Variants in PATJ observed in about 807,000 individuals in gnomAD.
The protein encoded by PATJ is inaD-like protein.
Under a neutral mutation model 224.9 loss-of-function variants are expected in PATJ, and 190 were observed. That is an observed-to-expected ratio of 0.84 (90% CI 0.75 to 0.95). The LOEUF is 0.95. Ranked by LOEUF, PATJ falls within the 40% of genes least tolerant of loss-of-function variation. The probability of loss-of-function intolerance (pLI) is 0.00; values close to 1 mark genes in which losing one functional copy is unlikely to be tolerated. For synonymous variants in PATJ, 769 were observed against 820.3 expected (o/e 0.94, Z 1.07); for missense variants, 2,121 against 2,270.3 (o/e 0.93, Z 1.34).
chr1:61,845,860 G>C (rs571408007), intron 17 of PATJ, among the ~76,000 whole-genome samples: 2 of 152,292 alleles, frequency 1.3e-5, no homozygotes, highest in East Asian at 3.9e-4. Context: ...ATGCCATGCT[G>C]TTCTGAGCCT....
chr1:61,918,863 T>C (rs1169511397), intron 26 of PATJ, among the ~76,000 whole-genome samples: 1 of 151,946 alleles, frequency 6.6e-6, no homozygotes, highest in Non-Finnish European at 1.5e-5. Context: ...CTTGGGAGGC[T>C]GAGCTGGGAG....
chr1:61,996,676 T>C lies in PATJ; in HGVS notation c.3867+6312T>C, dbSNP rs374777624. Among the ~76,000 whole-genome samples, 13 of 152,014 alleles carry C rather than the reference T, an allele frequency of 8.6e-5. No individual in the cohort carries two copies. The South Asian group carries it at 2.3e-3, about 27-fold the overall frequency. ...AGGAAGAAGAACAAAGAATTAAAAA[T>C]TGCAAGAAAATGACTTTTCCTGTAG... On this transcript the variant is annotated intron_variant, in intron 28 of 43. Coordinates refer to ENST00000642238, the MANE Select transcript of PATJ (RefSeq NM_001350145.3).
intron 39 of PATJ, among the ~76,000 whole-genome samples, chr1:62,126,334 C>G (rs185681864): frequency 1.6e-4 from 25 of 152,316 alleles, no homozygotes; most frequent in African/African-American, 5.3e-4. Context: ...CTGGGAACTT[C>G]CCCTGCTGCT....
intron 41 of PATJ, among the ~76,000 whole-genome samples, chr1:62,133,989 G>T (rs185113462): frequency 6.6e-6 from 1 of 151,814 alleles, no homozygotes; most frequent in Non-Finnish European, 1.5e-5. Flanking sequence ...CAGGTGATCC[G>T]CCTGCCTTGG....
chr1:62,051,934 TGA>T (rs991376825), intron 31 of PATJ, among the ~76,000 whole-genome samples: 2 of 152,198 alleles, frequency 1.3e-5, no homozygotes, highest in Non-Finnish European at 2.9e-5. Flanking sequence ...GTGAGGAAAC[TGA>T]GAGTTAGAGA....
chr1:61,880,775 C>A (rs1667979269), intron 21 of PATJ, among the ~76,000 whole-genome samples: 1 of 152,190 alleles, frequency 6.6e-6, no homozygotes, highest in African/African-American at 2.4e-5. Context: ...TCCAAGAACA[C>A]AGTGTTCAAA....
rs778107228 is a variant in PATJ at position 62,161,778 on chromosome 1, G to C, written c.*724G>C. On this transcript the variant is annotated 3_prime_UTR_variant, in exon 44 of 44. Transcript: ENST00000642238. ...AACCTCAGATCTCATCCAATGGACA[G>C]AAACAAATGTTAAGCAACTTGTCAT... 3.3e-5 allele frequency: 5 copies of C among 152,202 alleles called. No homozygotes were observed. The highest frequency in any genetic ancestry group is 7.3e-5 in the Non-Finnish European group (5 of 68,050). 9.4% of individuals were successfully genotyped at this position (152,202 alleles called of 1,614,324 possible).
chr1:62,017,878 G>A lies in PATJ; in HGVS notation c.3890G>A (p.Gly1297Glu). 1.2e-6 allele frequency: 2 copies of A among 1,609,570 alleles called. No homozygotes were observed. Among genetic ancestry groups the A allele is most frequent in the Non-Finnish European group, 1.7e-6 (2 of 1,176,122 alleles). The change falls in exon 29 of 44, where the codon GGA becomes GAA. Residue 1297 changes from glycine (G) to glutamate (E), a missense_variant. Gly to Glu is a moderately conservative substitution (Grantham distance 98, BLOSUM62 -2). Transcript: ENST00000642238. Reference protein sequence around the residue: ...LLEINNQILYGRSHQNASAII... With the variant: ...LLEINNQILYERSHQNASAII... ...CAGATAAACAATCAGATTCTGTATG[G>A]AAGAAGTCACCAAAATGCATCTGCC...
Position 61,787,842 on chromosome 1 carries a change from T to G in PATJ, c.938T>G (p.Leu313Arg). 6.2e-7 allele frequency: 1 copy of G among 1,614,112 alleles called. No homozygotes were observed. Among genetic ancestry groups the G allele is most frequent in the Non-Finnish European group, 8.5e-7 (1 of 1,179,950 alleles). ...GMTSEQVAQVLRNCGNSVRML... is the reference protein window; with the variant it reads ...GMTSEQVAQVRRNCGNSVRML... ...ACCAGTGAGCAAGTTGCACAAGTTC[T>G]AAGGAACTGTGGGAATTCAGTCAGG... The change falls in exon 8 of 44, where the codon CTA becomes CGA. Residue 313 changes from leucine to arginine, a missense_variant. Physicochemically the swap from Leu to Arg is moderately radical, Grantham distance 102. Coordinates refer to ENST00000642238, the MANE Select transcript of PATJ (RefSeq NM_001350145.3).
chr1:61,952,307 A>G, intron 27 of PATJ: 1 of 659,936 alleles, frequency 1.5e-6, no homozygotes, highest in South Asian at 1.6e-5. Context: ...GTCAGAAGAG[A>G]GAGGAGTCTG....
Position 62,085,157 on chromosome 1 carries a change from G to A in PATJ, c.4377+509G>A, listed in dbSNP as rs1317441864. 3.3e-5 allele frequency among the ~76,000 whole-genome samples: 5 copies of A among 152,246 alleles called. No individual in the cohort carries two copies. The East Asian group carries it at 7.7e-4, about 24-fold the overall frequency. On this transcript the variant is annotated intron_variant, in intron 33 of 43. Transcript: ENST00000642238. ...CACACCTATAGTCCCAGCCACTCAG[G>A]AGTCTGAGGCAGGAGAATCACTTGA...
chr1:61,864,295 CT>C lies in PATJ; in HGVS notation c.2498del (p.Leu833ArgfsTer12). The C allele has an allele frequency of 2.5e-6, 4 of 1,613,112 alleles. No individual in the cohort carries two copies. Among genetic ancestry groups the C allele is most frequent in the Non-Finnish European group, 3.4e-6 (4 of 1,179,228 alleles). ...ACTTGTGGATGAACCATTTCTAGAT[CT>C]GGGAAAGTCTTTCCATTCCCAACAA... is the stretch of plus-strand genomic sequence containing the variant. ...EELVDEPFLD[L>X]GKSFHSQQKE... On this transcript the variant is annotated frameshift_variant, in exon 20 of 44. Transcript: ENST00000642238. LOFTEE classifies it high-confidence loss of function.
At chr1:61,946,788 C>A (rs1168339709) in intron 27 of PATJ, among the ~76,000 whole-genome samples, 1 of 152,170 alleles carries the variant, frequency 6.6e-6, no homozygotes, top group Non-Finnish European at 1.5e-5. Context: ...AGACCAATAT[C>A]CCTGATGAAC....
At chr1:62,106,136 A>ATGTG (rs1662964149) in intron 33 of PATJ, among the ~76,000 whole-genome samples, 1 of 72,786 alleles carries the variant, frequency 1.4e-5, no homozygotes, top group African/African-American at 5.1e-5. Flanking sequence ...ACATATATAC[A>ATGTG]TGTGTATATG....
chr1:61,911,140 T>A (rs1672575490), intron 25 of PATJ, among the ~76,000 whole-genome samples: 1 of 152,188 alleles, frequency 6.6e-6, no homozygotes, highest in South Asian at 2.1e-4. Context: ...GCGGTTGTTT[T>A]TATCTGTGTG....
chr1:61,908,530 C>A, intron 25 of PATJ, 48 bp downstream of exon 25: 1 of 1,128,524 alleles, frequency 8.9e-7, no homozygotes. Context: ...ACTCTGTATA[C>A]CTGCAGACCA....
Position 62,125,236 on chromosome 1 carries a change from C to CAAA in PATJ, c.5043+2193_5043+2195dup, listed in dbSNP as rs761278812. 4.7e-3 allele frequency among the ~76,000 whole-genome samples: 129 copies of CAAA among 27,706 alleles called. 9 individuals carry two copies. Among genetic ancestry groups the CAAA allele is most frequent in the East Asian group, 0.019 (14 of 732 alleles). 18.2% of individuals were successfully genotyped at this position (27,706 alleles called of 152,430 possible). ...TGGGTGACAGAGTAAAACCCTGTCTCAAAAAAAAAAAAAAAAACAAAAAAA... is the reference window on the plus strand; with the variant it reads ...TGGGTGACAGAGTAAAACCCTGTCTCAAAAAAAAAAAAAAAAAAAACAAAAAAA... On this transcript the variant is annotated intron_variant, in intron 39 of 43. Transcript: ENST00000642238.
intron 25 of PATJ, among the ~76,000 whole-genome samples, chr1:61,913,462 C>T (rs537238138): frequency 6.6e-6 from 1 of 152,188 alleles, no homozygotes; most frequent in African/African-American, 2.4e-5. Context: ...CCTGCCTTAG[C>T]CTCTCAAAGT....
At chr1:62,110,173 G>T (rs755659978) in intron 34 of PATJ, among the ~76,000 whole-genome samples, 2 of 152,192 alleles carry the variant, frequency 1.3e-5, no homozygotes, top group African/African-American at 2.4e-5. Context: ...CTCAGACAAG[G>T]TCTAGTTCAT....
Sources: gnomAD v4.1 joint callset for allele counts (sites outside exome capture counted in the v4.1 genomes callset) on GRCh38, gnomAD v4.1.1 for gene constraint, MANE v1.5 for transcripts, NCBI Gene and HGNC (gene_info 2026-07-23, HGNC 2026-07-21) for gene names.